Variants in FAM228B observed in about 807,000 individuals in gnomAD.
The protein encoded by FAM228B is protein FAM228B.
In FAM228B, 38 loss-of-function variants were observed where a neutral mutation model predicts 42.6. The ratio of observed to expected loss-of-function variants is 0.89; its 90% CI spans 0.69 to 1.17. FAM228B has a LOEUF of 1.17. Ranked by LOEUF, FAM228B falls within the 50% of genes most tolerant of loss-of-function variation. The pLI is 0.00. For synonymous variants in FAM228B, 109 were observed against 122.3 expected (o/e 0.89, Z 0.72); for missense variants, 344 against 367.3 (o/e 0.94, Z 0.52).
rs369175792 is a variant in FAM228B at position 24,081,769 on chromosome 2, A to G, written c.-210+814A>G. Among the ~76,000 whole-genome samples the G allele has an allele frequency of 5.4e-5, 8 of 148,548 alleles. No individual in the cohort carries two copies. The South Asian group carries it at 1.3e-3, about 24-fold the overall frequency. ...AGTGGCGCAATCTTGGCTCACTGCA[A>G]GCTCTGCCCCACCCCCCCTGCGTTC... On this transcript the variant is annotated intron_variant, in intron 2 of 10. Coordinates refer to the FAM228B transcript ENST00000613899.
At chr2:24,088,552 T>C (rs1665313235) in intron 2 of FAM228B, among the ~76,000 whole-genome samples, 1 of 152,146 alleles carries the variant, frequency 6.6e-6, no homozygotes, top group Admixed American at 6.5e-5. Context: ...GGTTTCGCCA[T>C]GTTGGCCAGG....
rs1304820294 is a variant in FAM228B, at chr2:24,135,102, T to C, written c.100-17T>C. The C allele has an allele frequency of 1.4e-6, 2 of 1,441,532 alleles. No homozygotes were observed. Among genetic ancestry groups the C allele is most frequent in the African/African-American group, 1.4e-5 (1 of 70,260 alleles). The allele number at this position is 1,441,532 out of a possible 1,614,324, so 89.3% of individuals were successfully genotyped here. A position where few individuals can be genotyped will look rare whatever the true frequency, so the allele number is the denominator to read the frequency against. ...TTTTAAAGATTTTCTTTTCAAAGTT[T>C]AATTCTGTCCTTTCAGGTTTTAGCT... On this transcript the variant is annotated splice_polypyrimidine_tract_variant and intron_variant, in intron 2 of 10. Transcript: ENST00000615575.
intron 2 of FAM228B, chr2:24,083,194 A>T (rs769971550): frequency 3.2e-6 from 5 of 1,544,680 alleles, no homozygotes; most frequent in Admixed American, 2.0e-5. Context: ...CATGATCAGA[A>T]ATCTGTATGT....
intron 7 of FAM228B, among the ~76,000 whole-genome samples, chr2:24,157,877 A>AT (rs1667186269): frequency 6.6e-6 from 1 of 152,216 alleles, no homozygotes; most frequent in Non-Finnish European, 1.5e-5. Context: ...CCACTTATTT[A>AT]TAGCCATAAG....
intron 1 of FAM228B, among the ~76,000 whole-genome samples, chr2:24,078,590 T>C (rs1017619195): frequency 6.6e-6 from 1 of 152,192 alleles, no homozygotes; most frequent in East Asian, 1.9e-4. Flanking sequence ...AAAGGGGGGT[T>C]ACAGGTGATC....
chr2:24,121,240 G>A (rs1269685665), upstream of FAM228B: 15 of 1,613,868 alleles, frequency 9.3e-6, no homozygotes, highest in South Asian at 5.5e-5. Flanking sequence ...CCTTCTCTTC[G>A]GGCTTGCAAA....
rs541734016 is a variant in FAM228B, at chr2:24,140,113, G to A, written c.441+663G>A. ...GTGAGGTAAGTCACAGATGAGACAA[G>A]TAAGATTCAGGTCACTTGTCAAAGT... On this transcript the variant is annotated intron_variant, in intron 5 of 10. Coordinates refer to ENST00000615575, the MANE Select transcript of FAM228B (RefSeq NM_001145710.2). 2.5e-3 allele frequency among the ~76,000 whole-genome samples: 385 copies of A among 152,262 alleles called. 2 individuals carry two copies. The highest frequency in any genetic ancestry group is 2.3e-3 in the Admixed American group (35 of 15,288).
In FAM228B at chr2:24,135,106, T is replaced by C; in HGVS notation, c.100-13T>C. On this transcript the variant is annotated splice_polypyrimidine_tract_variant and intron_variant, in intron 2 of 10. Transcript: ENST00000615575. ...AAAGATTTTCTTTTCAAAGTTTAAT[T>C]CTGTCCTTTCAGGTTTTAGCTAAAG... The C allele has an allele frequency of 6.9e-7, 1 of 1,455,476 alleles. No individual in the cohort carries two copies. Among genetic ancestry groups the C allele is most frequent in the Non-Finnish European group, 9.3e-7 (1 of 1,071,284 alleles). The allele number at this position is 1,455,476 out of a possible 1,614,324, so 90.2% of individuals were successfully genotyped here.
At chr2:24,119,652 G>T, upstream of FAM228B, 1 of 1,613,436 alleles carries the variant, frequency 6.2e-7, no homozygotes, top group Non-Finnish European at 8.5e-7. Flanking sequence ...AGATACAGAT[G>T]GGTCTTCACG....
rs568544780 is a variant in FAM228B at position 24,139,360 on chromosome 2, C to G, written c.361-10C>G. On this transcript the variant is annotated splice_polypyrimidine_tract_variant and intron_variant, in intron 4 of 10. Coordinates refer to ENST00000615575, the MANE Select transcript of FAM228B (RefSeq NM_001145710.2). ...TTGTTCTTGTGTATCGTTTTATTTC[C>G]TTGCTATAGGGAAATGCATTTATAG... 2.3e-4 allele frequency: 343 copies of G among 1,505,104 alleles called. No homozygotes were observed. The highest frequency in any genetic ancestry group is 3.0e-4 in the Non-Finnish European group (332 of 1,109,994). The allele number at this position is 1,505,104 out of a possible 1,614,324, so 93.2% of individuals were successfully genotyped here. A position where few individuals can be genotyped will look rare whatever the true frequency, so the allele number is the denominator to read the frequency against.
intron 2 of FAM228B, among the ~76,000 whole-genome samples, chr2:24,128,752 TCC>T (rs36074357): frequency 2.6e-5 from 4 of 152,142 alleles, no homozygotes; most frequent in Admixed American, 2.6e-4. Context: ...TTTTCATTTT[TCC>T]CCTTGGATTC....
intron 1 of FAM228B, chr2:24,079,744 T>C (rs573705026): frequency 8.8e-7 from 1 of 1,130,992 alleles, no homozygotes; most frequent in Admixed American, 2.4e-5. Context: ...AAGTGGTAAA[T>C]CTATAGGTTG....
At chr2:24,104,526 C>T (rs1370046064) in intron 3 of FAM228B, among the ~76,000 whole-genome samples, 1 of 152,198 alleles carries the variant, frequency 6.6e-6, no homozygotes, top group Non-Finnish European at 1.5e-5. Flanking sequence ...ACTCCACCCA[C>T]CCCCACCACT....
intron 2 of FAM228B, among the ~76,000 whole-genome samples, chr2:24,081,518 G>A (rs1357375738): frequency 1.3e-5 from 2 of 152,146 alleles, no homozygotes; most frequent in East Asian, 3.8e-4. Flanking sequence ...GATGGCACTT[G>A]CATTATGTTA....
At chr2:24,153,339 C>A (rs1667062998) in intron 7 of FAM228B, among the ~76,000 whole-genome samples, 1 of 152,164 alleles carries the variant, frequency 6.6e-6, no homozygotes, top group African/African-American at 2.4e-5. Flanking sequence ...AATCCAGAGC[C>A]CCCAGTATAC....
At chr2:24,143,342 G>T (rs545981660) in intron 5 of FAM228B, among the ~76,000 whole-genome samples, 10 of 152,052 alleles carry the variant, frequency 6.6e-5, no homozygotes, top group Admixed American at 5.9e-4. Flanking sequence ...CACCACGCCC[G>T]GCTAATTTTG....
chr2:24,085,783 C>T (rs979741434), intron 2 of FAM228B: 1 of 152,188 alleles, frequency 6.6e-6, no homozygotes, highest in Non-Finnish European at 1.5e-5. Flanking sequence ...GGTCCCTAAA[C>T]CTGTAGCGAT....
upstream of FAM228B, chr2:24,123,313 G>C (rs1260794587): frequency 1.3e-5 from 2 of 152,266 alleles, no homozygotes; most frequent in African/African-American, 4.8e-5. Flanking sequence ...CGCGGTTGCG[G>C]GTGGGTGGCG....
At chr2:24,088,924 T>G (rs914802732) in intron 2 of FAM228B, among the ~76,000 whole-genome samples, 4 of 152,194 alleles carry the variant, frequency 2.6e-5, no homozygotes, top group Non-Finnish European at 5.9e-5. Context: ...GTCAGAGAAT[T>G]GATTGATGTG....
Sources: allele counts gnomAD v4.1 joint callset (sites outside exome capture counted in the v4.1 genomes callset), GRCh38; gene constraint gnomAD v4.1.1; transcripts MANE v1.5; gene names NCBI Gene and HGNC (gene_info 2026-07-23, HGNC 2026-07-21).